TBCK: variants seen among roughly 807,000 people sequenced by gnomAD.
TBCK encodes the protein TBC1 domain containing kinase.
A neutral mutation model predicts 113.4 loss-of-function variants in TBCK; 99 were observed. That is an observed-to-expected ratio of 0.87 (90% CI 0.74 to 1.03). The LOEUF is 1.03. TBCK is among the 50% of genes least tolerant of loss of function. The pLI, the probability that TBCK is intolerant of heterozygous loss-of-function variation, is 0.00. For synonymous variants in TBCK, 369 were observed against 370.8 expected, an observed-to-expected ratio of 1.00 and a Z score of 0.05; for missense variants, 1,045 against 1,061.3, an observed-to-expected ratio of 0.98 and a Z score of 0.21.
chr4:106,247,112 AT>A (rs746774385), intron 10 of TBCK, 26 bp downstream of exon 10: 26 of 1,598,432 alleles, frequency 1.6e-5, no homozygotes, highest in Non-Finnish European at 2.2e-5. Context: ...GGCTCATATT[AT>A]TCTCTATGCT....
intron 3 of TBCK, among the ~76,000 whole-genome samples, chr4:106,281,319 T>C (rs1289133660): frequency 6.6e-6 from 1 of 151,866 alleles, no homozygotes; most frequent in Non-Finnish European, 1.5e-5. Flanking sequence ...TTTTTTGGTG[T>C]AGTCTTTAGT....
At chr4:106,236,349 A>G (rs933184294) in intron 14 of TBCK, 41 bp downstream of exon 14, 5 of 1,336,838 alleles carry the variant, frequency 3.7e-6, no homozygotes, top group Admixed American at 2.9e-5. Context: ...AAAAAATTCC[A>G]TATGGGCTAT....
At chr4:106,228,870 G>A (rs992427235) in intron 19 of TBCK, among the ~76,000 whole-genome samples, 1 of 151,996 alleles carries the variant, frequency 6.6e-6, no homozygotes, top group African/African-American at 2.4e-5. Context: ...AACAGTGCAT[G>A]AGGGTTCCTT....
chr4:106,146,800 T>A (rs902172697), intron 23 of TBCK, among the ~76,000 whole-genome samples: 28 of 152,170 alleles, frequency 1.8e-4, no homozygotes, highest in Non-Finnish European at 5.9e-5. Context: ...AATGGACTCT[T>A]CCTTTCACAA....
chr4:106,316,242 C>G (rs548974397), upstream of TBCK: 41 of 295,630 alleles, frequency 1.4e-4, no homozygotes, highest in African/African-American at 8.2e-4. Context: ...TTCTTCCGCC[C>G]TCACAGCCAC....
chr4:106,283,585 C>T (rs1238838887), intron 3 of TBCK, among the ~76,000 whole-genome samples: 1 of 152,026 alleles, frequency 6.6e-6, no homozygotes, highest in Non-Finnish European at 1.5e-5. Context: ...ATTCACTCTC[C>T]TCAATGTGTA....
At chr4:106,069,757 G>T (rs888505347) in intron 25 of TBCK, among the ~76,000 whole-genome samples, 1 of 152,076 alleles carries the variant, frequency 6.6e-6, no homozygotes, top group South Asian at 2.1e-4. Flanking sequence ...TTCACGATAT[G>T]GATTCTTCCT....
intron 24 of TBCK, among the ~76,000 whole-genome samples, chr4:106,105,197 C>G (rs182151829): frequency 1.8e-4 from 28 of 152,312 alleles, no homozygotes; most frequent in African/African-American, 5.8e-4. Flanking sequence ...AGTCCATCTC[C>G]CACAGGTCCC....
At chr4:106,203,849 G>A (rs2149851022) in intron 20 of TBCK, among the ~76,000 whole-genome samples, 1 of 152,158 alleles carries the variant, frequency 6.6e-6, no homozygotes, top group East Asian at 1.9e-4. Context: ...GTAGCACTTT[G>A]TTGAGATAGA....
chr4:106,304,564 C>A (rs1006631631), intron 2 of TBCK, among the ~76,000 whole-genome samples: 1 of 152,028 alleles, frequency 6.6e-6, no homozygotes, highest in African/African-American at 2.4e-5. Context: ...TTTGCCCTGG[C>A]CTATAAGAAG....
chr4:106,232,036 T>C (rs1207844695), intron 17 of TBCK, among the ~76,000 whole-genome samples: 1 of 151,750 alleles, frequency 6.6e-6, no homozygotes, highest in Non-Finnish European at 1.5e-5. Flanking sequence ...AATAGAAAAA[T>C]GTAAGAATGT....
At chr4:106,225,857 T>C (rs1304355403) in intron 19 of TBCK, among the ~76,000 whole-genome samples, 1 of 152,148 alleles carries the variant, frequency 6.6e-6, no homozygotes, top group Non-Finnish European at 1.5e-5. Context: ...ATCTGTATAG[T>C]ATGCCTTTTA....
chr4:106,264,704 C>T (rs1332080570), intron 3 of TBCK, among the ~76,000 whole-genome samples: 1 of 151,898 alleles, frequency 6.6e-6, no homozygotes, highest in African/African-American at 2.4e-5. Context: ...TTAACGGATA[C>T]CATAATTTTA....
At chr4:106,205,587 C>CAAAAAAAAAAAAAAAA (rs70941240) in intron 20 of TBCK, among the ~76,000 whole-genome samples, 5 of 64,200 alleles carry the variant, frequency 7.8e-5, no homozygotes, top group African/African-American at 3.0e-4. Context: ...ACTAAAAATA[C>CAAAAAAAAAAAAAAAA]AAAAAAAAAA....
chr4:106,100,798 C>G (rs1270037119), intron 24 of TBCK, among the ~76,000 whole-genome samples: 2 of 152,190 alleles, frequency 1.3e-5, no homozygotes. Flanking sequence ...TTTACCTACT[C>G]TAGTTTCATT....
intron 25 of TBCK, among the ~76,000 whole-genome samples, chr4:106,049,955 G>A (rs1474180438): frequency 1.3e-5 from 2 of 151,962 alleles, no homozygotes; most frequent in African/African-American, 4.8e-5. Flanking sequence ...TAGATAATGG[G>A]ATTCATTTGC....
Position 106,044,398 on chromosome 4 carries a change from T to C in TBCK, c.*2172A>G, listed in dbSNP as rs892051188. On this transcript the variant is annotated 3_prime_UTR_variant, in exon 26 of 26. Transcript: ENST00000394708. ...ACAATGTTAGTGAAATCTTGGTATATATTTGTTCTCATTAATTCTCACATT... is the reference window on the plus strand; with the variant it reads ...ACAATGTTAGTGAAATCTTGGTATACATTTGTTCTCATTAATTCTCACATT... 6.6e-6 allele frequency: 1 copy of C among 152,238 alleles called. No homozygotes were observed. Among genetic ancestry groups the C allele is most frequent in the African/African-American group, 2.4e-5 (1 of 41,460 alleles). The allele number at this position is 152,238 out of a possible 1,614,324, so 9.4% of individuals were successfully genotyped here. A position where few individuals can be genotyped will look rare whatever the true frequency, so the allele number is the denominator to read the frequency against.
At chr4:106,211,689 C>CA (rs1376421265) in intron 20 of TBCK, among the ~76,000 whole-genome samples, 1 of 151,360 alleles carries the variant, frequency 6.6e-6, no homozygotes, top group Non-Finnish European at 1.5e-5. Context: ...TTTAACATTA[C>CA]AAAAAAAACA....
chr4:106,260,584 T>C (rs1421854305), intron 4 of TBCK, 74 bp from the exon 5 acceptor site: 1 of 479,662 alleles, frequency 2.1e-6, no homozygotes, highest in Non-Finnish European at 3.5e-6. Context: ...TATTATAAAA[T>C]TATCATTATA....
Sources: allele counts gnomAD v4.1 joint callset (sites outside exome capture counted in the v4.1 genomes callset), GRCh38; gene constraint gnomAD v4.1.1; transcripts MANE v1.5; gene names NCBI Gene and HGNC (gene_info 2026-07-23, HGNC 2026-07-21).